The following TSC2 variants were observed in gnomAD, a reference collection of about 807,000 sequenced individuals.
TSC2 encodes the protein tuberin.
A neutral mutation model predicts 202.2 loss-of-function variants in TSC2; 29 were observed. That is an observed-to-expected ratio of 0.14 (90% CI 0.11 to 0.20). TSC2 has a LOEUF of 0.20. TSC2 is among the 10% of genes least tolerant of loss of function. The pLI is 1.00. For synonymous variants in TSC2, 1,349 were observed against 1,044.0 expected (o/e 1.29, Z -5.63); for missense variants, 2,429 against 2,420.0 (o/e 1.00, Z -0.08).
intron 18 of TSC2, 83 bp downstream of exon 18, chr16:2,071,699 G>A (rs2151301421): frequency 1.9e-6 from 3 of 1,599,818 alleles, no homozygotes. Context: ...GCATGTCTGA[G>A]GGATGTCCCA....
chr16:2,053,933 C>T (rs968132305), intron 4 of TSC2: 1 of 442,268 alleles, frequency 2.3e-6, no homozygotes. Flanking sequence ...TCCACTCTCA[C>T]AGGCTCTCCT....
At position 2,054,315 on chromosome 16, in the gene TSC2, T is replaced by A; in HGVS notation, c.356T>A (p.Leu119His). 1 of 1,614,188 alleles carries A rather than the reference T, an allele frequency of 6.2e-7. No individual in the cohort carries two copies. The highest frequency in any genetic ancestry group is 2.2e-5 in the East Asian group (1 of 44,884). The change falls in exon 5 of 42, where the codon CTC (leucine) becomes CAC (histidine). Residue 119 changes from leucine (L) to histidine (H), a missense_variant. Leu to His is a moderately conservative substitution (Grantham distance 99). Transcript: ENST00000219476. ...VQGQGERLGVLRALFFKVIKD... is the reference protein window; with the variant it reads ...VQGQGERLGVHRALFFKVIKD... ...CTTTAGGGCGAGCGTTTGGGGGTCC[T>A]CAGAGCCCTCTTCTTTAAGGTCATC...
At chr16:2,072,417 A>G in intron 20 of TSC2, 54 bp downstream of exon 20, 1 of 1,609,136 alleles carries the variant, frequency 6.2e-7, no homozygotes, top group Non-Finnish European at 8.5e-7. Flanking sequence ...TTTTTCCCCA[A>G]AAGACTGCGA....
At chr16:2,083,997 C>A (rs1225396969) in intron 33 of TSC2, among the ~76,000 whole-genome samples, 181 bp downstream of exon 33, 1 of 152,224 alleles carries the variant, frequency 6.6e-6, no homozygotes, top group South Asian at 2.1e-4. Flanking sequence ...CCGGCCCTGG[C>A]TGCTGGGCAG....
In TSC2 at chr16:2,062,604, G is replaced by A. The variant is rs2086781300; in HGVS notation, c.1361+4G>A. ...CGCTGATGGAGAGATTCTTCAGGTA[G>A]GGGGTCCTCTGTAGCCTTGCCTGGC... is the stretch of plus-strand genomic sequence containing the variant. On this transcript the variant is annotated splice_donor_region_variant and intron_variant, in intron 13 of 41. Coordinates refer to ENST00000219476, the MANE Select transcript of TSC2 (RefSeq NM_000548.5). 2 of 1,603,084 alleles carry A rather than the reference G, an allele frequency of 1.2e-6. No individual in the cohort carries two copies. The highest frequency in any genetic ancestry group is 1.1e-5 in the South Asian group (1 of 89,284).
chr16:2,084,299 C>A lies in TSC2; in HGVS notation c.4077C>A (p.Ile1359=). The A allele has an allele frequency of 6.2e-7, 1 of 1,612,670 alleles. No homozygotes were observed. ...AEELVGRGIP[I]ERVVSSEGGR... ...AGCTGGTTGGCAGGGGCATCCCCAT[C>A]GAGCGAGTCGTCTCCTCGGAGGGTG... Residue 1359 remains isoleucine (I), a synonymous_variant, in exon 34 of 42, where the codon ATC becomes ATA. Coordinates refer to ENST00000219476, the MANE Select transcript of TSC2 (RefSeq NM_000548.5).
At chr16:2,071,258 G>A (rs1273454182) in intron 17 of TSC2, 5 of 574,766 alleles carry the variant, frequency 8.7e-6, no homozygotes, top group African/African-American at 1.9e-5. Flanking sequence ...TCCCAGGCGG[G>A]CCCAGCTGTG....
At chr16:2,080,075 CT>C in intron 29 of TSC2, 89 bp from the exon 30 acceptor site, 6 of 1,554,048 alleles carry the variant, frequency 3.9e-6, no homozygotes, top group Non-Finnish European at 5.3e-6. Context: ...GTGGCACTAG[CT>C]TGCCAGGCTC....
chr16:2,049,123 T>C (rs1398323688), intron 2 of TSC2, among the ~76,000 whole-genome samples: 7 of 152,138 alleles, frequency 4.6e-5, no homozygotes, highest in Admixed American at 4.6e-4. Flanking sequence ...TCTTGCTCTG[T>C]TGCCTAGGCT....
rs143820755 is a variant in TSC2, at chr16:2,087,013, G to A, written c.4989+142G>A. The A allele has an allele frequency of 1.3e-4, 168 of 1,288,078 alleles. No homozygotes were observed. In the East Asian group the frequency reaches 3.2e-3, roughly 25 times the overall value. The allele number at this position is 1,288,078 out of a possible 1,614,324, so 79.8% of individuals were successfully genotyped here. A position where few individuals can be genotyped will look rare whatever the true frequency, so the allele number is the denominator to read the frequency against. On this transcript the variant is annotated intron_variant, in intron 38 of 41. Transcript: ENST00000219476. ...GCAGTGCTCAGGGCCCCGTGGGCAC[G>A]AGCTTCACCCCGAGCCTGCGTTGTG...
chr16:2,084,850 C>T (rs962896078), intron 34 of TSC2, 101 bp from the exon 35 acceptor site: 24 of 1,599,458 alleles, frequency 1.5e-5, no homozygotes, highest in South Asian at 5.5e-5. Flanking sequence ...CCTGGGAGGG[C>T]GGTGGAGTGG....
chr16:2,063,346 T>C (rs1251574041), intron 14 of TSC2: 10 of 555,536 alleles, frequency 1.8e-5, no homozygotes, highest in Non-Finnish European at 2.9e-5. Flanking sequence ...AAAAATTCTG[T>C]GTGAGTTCGT....
At chr16:2,084,046 A>G (rs2090459131) in intron 33 of TSC2, among the ~76,000 whole-genome samples, 182 bp from the exon 34 acceptor site, 1 of 152,154 alleles carries the variant, frequency 6.6e-6, no homozygotes, top group Non-Finnish European at 1.5e-5. Context: ...CTGCTCACGC[A>G]GTGTGGGGCA....
chr16:2,077,059 A>G (rs959654567), intron 25 of TSC2, among the ~76,000 whole-genome samples: 2 of 152,182 alleles, frequency 1.3e-5, no homozygotes, highest in African/African-American at 2.4e-5. Context: ...CTTTCCCTAG[A>G]TGGGAATACG....
At position 2,058,620 on chromosome 16, in the gene TSC2, G is replaced by A. The variant is rs1174876667; in HGVS notation, c.849-127G>A. On this transcript the variant is annotated intron_variant, in intron 9 of 41. Transcript: ENST00000219476. Reference sequence around the variant, plus strand: ...CTGTTCCCTGCCCTTCCCCAGCGGTGCTCCTGCCCCCCCCAAGCACAGGGA... The same window carrying A: ...CTGTTCCCTGCCCTTCCCCAGCGGTACTCCTGCCCCCCCCAAGCACAGGGA... The A allele has an allele frequency of 4.9e-6, 7 of 1,416,998 alleles. No individual in the cohort carries two copies. The East Asian group carries it at 1.5e-4, about 30-fold the overall frequency. The allele number at this position is 1,416,998 out of a possible 1,614,324, so 87.8% of individuals were successfully genotyped here.
chr16:2,078,841 T>C, intron 26 of TSC2, 191 bp from the exon 27 acceptor site: 1 of 695,642 alleles, frequency 1.4e-6, no homozygotes, highest in South Asian at 1.7e-5. Context: ...CCACCCAGCG[T>C]CTCCCCGTTC....
At chr16:2,078,840 G>A (rs1037524141) in intron 26 of TSC2, 192 bp from the exon 27 acceptor site, 26 of 692,558 alleles carry the variant, frequency 3.8e-5, no homozygotes, top group South Asian at 1.2e-4. Context: ...CCCACCCAGC[G>A]TCTCCCCGTT....
rs769264472 is a variant in TSC2, at chr16:2,088,434, C to T, written c.5260-12C>T. ...CTCCCAGACTTACTGCCCAAGCCGC[C>T]TCTGCCTTCAGATCTGCGAGGAAGC... is the stretch of plus-strand genomic sequence containing the variant. On this transcript the variant is annotated splice_polypyrimidine_tract_variant and intron_variant, in intron 41 of 41. Coordinates refer to ENST00000219476, the MANE Select transcript of TSC2 (RefSeq NM_000548.5). The T allele has an allele frequency of 1.0e-4, 168 of 1,612,794 alleles. No homozygotes were observed. The East Asian group carries it at 2.0e-3, about 19-fold the overall frequency.
At chr16:2,070,325 T>C in intron 16 of TSC2, 131 bp from the exon 17 acceptor site, 1 of 1,503,294 alleles carries the variant, frequency 6.7e-7, no homozygotes, top group Non-Finnish European at 9.1e-7. Flanking sequence ...TGGTCCTGGG[T>C]TTGAAGGTCG....
Sources: allele counts gnomAD v4.1 joint callset (sites outside exome capture counted in the v4.1 genomes callset), GRCh38; gene constraint gnomAD v4.1.1; transcripts MANE v1.5; gene names NCBI Gene and HGNC (gene_info 2026-07-23, HGNC 2026-07-21).